Variants in CFAP210 observed in about 807,000 individuals in gnomAD.
CFAP210 encodes cilia and flagella associated protein 210, also known as cilia- and flagella- associated protein 210.
At chr2:169,659,075 T>C in the CFAP210 span, 2 of 152,872 alleles carry the variant, frequency 1.3e-5, no homozygotes, top group African/African-American at 2.4e-5. Context: ...GCCGTGATCA[T>C]GCCACTGCAC....
the CFAP210 span, among the ~76,000 whole-genome samples, chr2:169,649,525 A>G: frequency 1.3e-5 from 2 of 152,132 alleles, no homozygotes; most frequent in Non-Finnish European, 2.9e-5. Flanking sequence ...GTTTTGTTCT[A>G]TTTCCTGAAT....
chr2:169,694,386 G>A, the CFAP210 span: 1 of 1,551,268 alleles, frequency 6.4e-7, no homozygotes, highest in Non-Finnish European at 8.9e-7. Context: ...GCCAGCCGGT[G>A]GAGTTGTTAC....
the CFAP210 span, chr2:169,654,296 A>T: frequency 8.2e-7 from 1 of 1,219,788 alleles, no homozygotes. Flanking sequence ...GAACCTGTCA[A>T]ATGGTCACAG....
the CFAP210 span, among the ~76,000 whole-genome samples, chr2:169,650,999 C>T: frequency 2.6e-5 from 4 of 151,572 alleles, no homozygotes; most frequent in Non-Finnish European, 4.4e-5. Flanking sequence ...GAGGCTGAGG[C>T]GAGCACATCA....
the CFAP210 span, among the ~76,000 whole-genome samples, chr2:169,651,120 A>G: frequency 1.3e-5 from 2 of 150,738 alleles, no homozygotes; most frequent in African/African-American, 4.9e-5. Flanking sequence ...CCAGCTACTC[A>G]GGAGGCTGAG....
chr2:169,676,768 A>G, the CFAP210 span, among the ~76,000 whole-genome samples: 1 of 152,222 alleles, frequency 6.6e-6, no homozygotes, highest in African/African-American at 2.4e-5. Flanking sequence ...ATACTGCAAC[A>G]AAGTAAGGAA....
the CFAP210 span, among the ~76,000 whole-genome samples, chr2:169,689,268 T>C: frequency 6.6e-6 from 1 of 152,348 alleles, no homozygotes; most frequent in African/African-American, 2.4e-5. Flanking sequence ...TGTCTTTCCA[T>C]TTATTTATAT....
At chr2:169,653,082 A>G in the CFAP210 span, among the ~76,000 whole-genome samples, 1 of 126,634 alleles carries the variant, frequency 7.9e-6, no homozygotes, top group Non-Finnish European at 1.6e-5. Context: ...GTGTGTATAT[A>G]TATGTATGTA....
chr2:169,682,485 T>C, the CFAP210 span, among the ~76,000 whole-genome samples: 2 of 150,980 alleles, frequency 1.3e-5, no homozygotes, highest in East Asian at 1.9e-4. Flanking sequence ...CCATTTTCTA[T>C]ACACACACAC....
chr2:169,692,442 A>ACACG, the CFAP210 span, among the ~76,000 whole-genome samples: 1 of 106,938 alleles, frequency 9.4e-6, no homozygotes, highest in Non-Finnish European at 2.0e-5. Flanking sequence ...CAACAGGCGC[A>ACACG]CGCACACACA....
chr2:169,682,249 A>G, the CFAP210 span, among the ~76,000 whole-genome samples: 1 of 152,200 alleles, frequency 6.6e-6, no homozygotes, highest in Non-Finnish European at 1.5e-5. Context: ...ATTAAGGGGC[A>G]TTAAGTAATG....
the CFAP210 span, among the ~76,000 whole-genome samples, chr2:169,657,412 GAAGAAA>G: frequency 6.6e-6 from 1 of 151,996 alleles, no homozygotes; most frequent in Non-Finnish European, 1.5e-5. Flanking sequence ...CGGACAGAAA[GAAGAAA>G]AAGAAAAAAA....
chr2:169,685,793 G>A, the CFAP210 span, among the ~76,000 whole-genome samples: 1 of 149,498 alleles, frequency 6.7e-6, no homozygotes, highest in Non-Finnish European at 1.5e-5. Flanking sequence ...GTGGTGTGAG[G>A]TGTCTATAAA....
At chr2:169,652,903 G>A in the CFAP210 span, among the ~76,000 whole-genome samples, 4 of 145,076 alleles carry the variant, frequency 2.8e-5, no homozygotes, top group African/African-American at 1.0e-4. Flanking sequence ...GGGAGGCTGA[G>A]GCAGGAGAAT....
At chr2:169,658,714 A>G in the CFAP210 span, 38 of 310,188 alleles carry the variant, frequency 1.2e-4, no homozygotes, top group Non-Finnish European at 3.8e-5. Context: ...TTATTCCCGA[A>G]CTGTTATTGC....
chr2:169,681,147 G>A, the CFAP210 span: 1 of 1,613,950 alleles, frequency 6.2e-7, no homozygotes. Flanking sequence ...CACTCATCGT[G>A]TGGAATTATG....
the CFAP210 span, among the ~76,000 whole-genome samples, chr2:169,684,415 A>G: frequency 1.3e-5 from 2 of 152,202 alleles, no homozygotes; most frequent in Non-Finnish European, 2.9e-5. Context: ...TATCTAATTC[A>G]GAACACTTTC....
chr2:169,661,297 A>G, the CFAP210 span: 286 of 528,838 alleles, frequency 5.4e-4, no homozygotes, highest in Non-Finnish European at 8.6e-4. Context: ...ATCTTTTAAT[A>G]CTACATTCAC....
chr2:169,656,080 T>C, the CFAP210 span, among the ~76,000 whole-genome samples: 1 of 152,138 alleles, frequency 6.6e-6, no homozygotes, highest in Admixed American at 6.5e-5. Flanking sequence ...GGAAAATTCC[T>C]TAAAAGGAGA....
Sources: allele counts gnomAD v4.1 joint callset (sites outside exome capture counted in the v4.1 genomes callset), GRCh38; gene constraint gnomAD v4.1.1; transcripts MANE v1.5; gene names NCBI Gene and HGNC (gene_info 2026-07-23, HGNC 2026-07-21).